The following GBE1 variants were observed in gnomAD, a reference collection of about 807,000 sequenced individuals.
GBE1 encodes 1,4-alpha-glucan-branching enzyme.
A neutral mutation model predicts 88.8 loss-of-function variants in GBE1; 70 were observed. That is an observed-to-expected ratio of 0.79 (90% CI 0.65 to 0.96). GBE1 has a LOEUF of 0.96. Among genes scored for constraint, GBE1 ranks in the 40% least tolerant of loss-of-function variants. The pLI, the probability that GBE1 is intolerant of heterozygous loss-of-function variation, is 0.00. For synonymous variants in GBE1, 284 were observed against 300.1 expected (o/e 0.95, Z 0.56); for missense variants, 872 against 871.0 (o/e 1.00, Z -0.01).
At chr3:81,503,160 T>C (rs971749856) in intron 14 of GBE1, among the ~76,000 whole-genome samples, 55 of 152,314 alleles carry the variant, frequency 3.6e-4, no homozygotes, top group African/African-American at 1.2e-3. Context: ...GTACATACAA[T>C]GTACAAGATA....
intron 7 of GBE1, among the ~76,000 whole-genome samples, chr3:81,594,287 T>A (rs1383511808): frequency 6.6e-6 from 1 of 152,054 alleles, no homozygotes. Context: ...TTTTTTAACA[T>A]GAATTCCAAA....
chr3:81,532,963 T>G (rs1453718573), intron 14 of GBE1, among the ~76,000 whole-genome samples: 1 of 152,066 alleles, frequency 6.6e-6, no homozygotes. Flanking sequence ...TATTTTTTCA[T>G]TTTTCTTGTC....
intron 14 of GBE1, among the ~76,000 whole-genome samples, chr3:81,507,786 T>G (rs920219304): frequency 1.3e-5 from 2 of 152,118 alleles, no homozygotes; most frequent in African/African-American, 4.8e-5. Context: ...TGCATTCAAA[T>G]GTGTGAACAC....
intron 1 of GBE1, among the ~76,000 whole-genome samples, chr3:81,751,323 C>G (rs566321711): frequency 6.6e-6 from 1 of 152,148 alleles, no homozygotes; most frequent in Non-Finnish European, 1.5e-5. Context: ...GATGTAGTTT[C>G]CTCTTTGGAG....
At chr3:81,524,369 T>A (rs967146248) in intron 14 of GBE1, among the ~76,000 whole-genome samples, 1 of 151,972 alleles carries the variant, frequency 6.6e-6, no homozygotes, top group African/African-American at 2.4e-5. Context: ...TTGAGCTCCT[T>A]ATGTATTCTA....
At chr3:81,694,363 GA>G (rs375496837) in intron 2 of GBE1, among the ~76,000 whole-genome samples, 24 of 152,292 alleles carry the variant, frequency 1.6e-4, no homozygotes, top group South Asian at 4.1e-4. Context: ...GCCATTTAAA[GA>G]AAGTAGGGGT....
At chr3:81,634,826 A>G (rs575462368) in intron 7 of GBE1, among the ~76,000 whole-genome samples, 6 of 152,304 alleles carry the variant, frequency 3.9e-5, no homozygotes, top group South Asian at 4.1e-4. Context: ...TAGTGAAGGA[A>G]CATGTGGCAG....
chr3:81,554,269 C>T (rs1450445436), intron 12 of GBE1, among the ~76,000 whole-genome samples: 2 of 152,098 alleles, frequency 1.3e-5, no homozygotes, highest in South Asian at 2.1e-4. Flanking sequence ...AAATAATTTG[C>T]TAATGGAGAA....
intron 14 of GBE1, among the ~76,000 whole-genome samples, chr3:81,529,436 T>C (rs1247401417): frequency 2.0e-5 from 3 of 152,078 alleles, no homozygotes; most frequent in African/African-American, 7.2e-5. Flanking sequence ...TTATTGCTTA[T>C]TAACATCCTT....
intron 12 of GBE1, among the ~76,000 whole-genome samples, chr3:81,541,149 G>A (rs1212238852): frequency 6.6e-6 from 1 of 151,930 alleles, no homozygotes; most frequent in African/African-American, 2.4e-5. Context: ...CTTGCTGTTA[G>A]TATCTTGACT....
intron 12 of GBE1, among the ~76,000 whole-genome samples, chr3:81,550,415 G>A (rs1414384468): frequency 6.6e-6 from 1 of 151,382 alleles, no homozygotes; most frequent in Non-Finnish European, 1.5e-5. Context: ...AGTTACAGAA[G>A]ATGGATCTTC....
intron 7 of GBE1, among the ~76,000 whole-genome samples, chr3:81,616,424 C>T (rs567280754): frequency 1.8e-4 from 28 of 152,220 alleles, no homozygotes; most frequent in African/African-American, 6.3e-4. Context: ...CTATGGATGT[C>T]CAACAGCTCT....
intron 5 of GBE1, 42 bp from the exon 6 acceptor site, chr3:81,646,524 T>A: frequency 1.8e-6 from 2 of 1,101,468 alleles, no homozygotes; most frequent in Admixed American, 2.5e-5. Flanking sequence ...AAGCCACATT[T>A]AAAAAAAAAG....
chr3:81,558,985 A>G (rs1214079578), intron 12 of GBE1, among the ~76,000 whole-genome samples: 1 of 152,090 alleles, frequency 6.6e-6, no homozygotes, highest in Non-Finnish European at 1.5e-5. Flanking sequence ...GGGGCAGCAT[A>G]TACTGGCAAG....
chr3:81,526,017 A>G (rs1702939805), intron 14 of GBE1, among the ~76,000 whole-genome samples: 1 of 151,876 alleles, frequency 6.6e-6, no homozygotes, highest in South Asian at 2.1e-4. Context: ...AGGGTTTTTT[A>G]TGTCTCTAAT....
At chr3:81,535,852 T>C (rs1157802651) in intron 13 of GBE1, among the ~76,000 whole-genome samples, 6 of 152,068 alleles carry the variant, frequency 3.9e-5, no homozygotes, top group Non-Finnish European at 7.4e-5. Context: ...CTTTTTTTTC[T>C]TAATAAAAAG....
intron 12 of GBE1, among the ~76,000 whole-genome samples, chr3:81,573,109 A>G (rs950649851): frequency 2.6e-5 from 4 of 152,236 alleles, no homozygotes; most frequent in Admixed American, 6.5e-5. Flanking sequence ...ATAAACCATA[A>G]TGTCACATAA....
chr3:81,651,531 C>T (rs1390614901), intron 3 of GBE1, among the ~76,000 whole-genome samples: 2 of 151,954 alleles, frequency 1.3e-5, no homozygotes, highest in Non-Finnish European at 2.9e-5. Context: ...AAACATGAAT[C>T]AATAAGACCA....
rs577231611 is a variant in GBE1, at chr3:81,575,152, G to A, written c.1618+2773C>T. Among the ~76,000 whole-genome samples the A allele has an allele frequency of 2.6e-4, 38 of 148,342 alleles. No individual in the cohort carries two copies. In the South Asian group the frequency reaches 3.6e-3, roughly 14 times the overall value. On this transcript the variant is annotated intron_variant, in intron 12 of 15. Transcript: ENST00000429644. ...GGCACTCCAGCCTGGGCGACAGGGCGAGACTCCATCTCAAAAAAAAAAAAA... is the reference window on the plus strand; with the variant it reads ...GGCACTCCAGCCTGGGCGACAGGGCAAGACTCCATCTCAAAAAAAAAAAAA...
Sources: gnomAD v4.1 joint callset for allele counts (sites outside exome capture counted in the v4.1 genomes callset) on GRCh38, gnomAD v4.1.1 for gene constraint, MANE v1.5 for transcripts, NCBI Gene and HGNC (gene_info 2026-07-23, HGNC 2026-07-21) for gene names.